The following ZC3H12B variants were observed in gnomAD, a reference collection of about 807,000 sequenced individuals.
The protein encoded by ZC3H12B is zinc finger CCCH-type containing 12B, also known as probable ribonuclease ZC3H12B.
Under a neutral mutation model 43.9 loss-of-function variants are expected in ZC3H12B, and 7 were observed. That is an observed-to-expected ratio of 0.16 (90% CI 0.09 to 0.30). The LOEUF is 0.30. ZC3H12B is among the 10% of genes least tolerant of loss of function. ZC3H12B has a pLI of 1.00. For missense variants in ZC3H12B, 475 were observed against 670.2 expected (o/e 0.71, Z 3.22); for synonymous variants, 222 against 241.7 (o/e 0.92, Z 0.76).
At chrX:65,284,583 G>A in the ZC3H12B span, among the ~76,000 whole-genome samples, 2 of 111,125 alleles carry the variant, frequency 1.8e-5, no homozygotes, top group African/African-American at 6.5e-5. Context: ...CCAACATGGT[G>A]AAACCCTGTC....
chrX:65,141,415 T>C, the ZC3H12B span, among the ~76,000 whole-genome samples: 6 of 110,293 alleles, frequency 5.4e-5, no homozygotes, highest in Non-Finnish European at 9.5e-5. Context: ...CGTGGGCTCT[T>C]TAATTTAACC....
the ZC3H12B span, among the ~76,000 whole-genome samples, chrX:65,064,138 A>T: frequency 2.7e-5 from 3 of 111,127 alleles, no homozygotes; most frequent in African/African-American, 9.8e-5. Flanking sequence ...AAGGTTTTTC[A>T]TGTCTCTATC....
At chrX:65,169,413 T>G in the ZC3H12B span, among the ~76,000 whole-genome samples, 1 of 111,978 alleles carries the variant, frequency 8.9e-6, no homozygotes, top group African/African-American at 3.2e-5. Context: ...TTGTTATAAT[T>G]TCTGTTATTT....
At chrX:65,137,764 T>C in the ZC3H12B span, among the ~76,000 whole-genome samples, 1 of 112,922 alleles carries the variant, frequency 8.9e-6, no homozygotes, top group Admixed American at 9.3e-5. Flanking sequence ...TAATTTTAAG[T>C]ATCTGAAACT....
chrX:65,096,350 G>A, the ZC3H12B span, among the ~76,000 whole-genome samples: 1 of 111,122 alleles, frequency 9.0e-6, no homozygotes, highest in African/African-American at 3.3e-5. Flanking sequence ...TGCACGTCCT[G>A]CACATGTACC....
the ZC3H12B span, among the ~76,000 whole-genome samples, chrX:65,286,123 C>A: frequency 9.0e-6 from 1 of 111,645 alleles, no homozygotes; most frequent in Non-Finnish European, 1.9e-5. Context: ...ATATGTTAAA[C>A]ATATGAATAT....
chrX:65,502,089 C>T (rs778912105), exon 5 of ZC3H12B: 6 of 1,209,471 alleles, frequency 5.0e-6, no homozygotes, highest in East Asian at 5.9e-5. Flanking sequence ...TCTGTCCCCT[C>T]GCTTGTGACT....
At chrX:65,270,839 C>A in the ZC3H12B span, 1 of 111,497 alleles carries the variant, frequency 9.0e-6, no homozygotes, top group Non-Finnish European at 1.9e-5. Flanking sequence ...TCTATCCTTT[C>A]CAAGCCCATG....
chrX:65,164,486 C>G, the ZC3H12B span, among the ~76,000 whole-genome samples: 3 of 111,509 alleles, frequency 2.7e-5, no homozygotes, highest in Non-Finnish European at 5.6e-5. Flanking sequence ...AAGCATGATT[C>G]TAACTTTTTT....
At chrX:65,445,630 T>C (rs944894746) in intron 3 of ZC3H12B, among the ~76,000 whole-genome samples, 9 of 112,269 alleles carry the variant, frequency 8.0e-5, no homozygotes, top group African/African-American at 2.9e-4. Flanking sequence ...GTCTCACCCA[T>C]GGTCTGTGGC....
chrX:65,128,247 A>T, the ZC3H12B span, among the ~76,000 whole-genome samples: 2 of 112,142 alleles, frequency 1.8e-5, no homozygotes, highest in East Asian at 2.8e-4. Context: ...GTAGTATCTT[A>T]GGAATTTTGA....
At chrX:65,242,776 C>A in the ZC3H12B span, among the ~76,000 whole-genome samples, 1 of 112,064 alleles carries the variant, frequency 8.9e-6, no homozygotes, top group Non-Finnish European at 1.9e-5. Flanking sequence ...GTCATAAAAG[C>A]ATACACATAG....
At chrX:65,368,404 G>A (rs1165462432) in intron 1 of ZC3H12B, among the ~76,000 whole-genome samples, 1 of 111,427 alleles carries the variant, frequency 9.0e-6, no homozygotes, top group Admixed American at 9.6e-5. Flanking sequence ...TAAATCATAG[G>A]ATATATATAA....
the ZC3H12B span, among the ~76,000 whole-genome samples, chrX:65,301,041 C>T: frequency 9.1e-6 from 1 of 109,493 alleles, no homozygotes; most frequent in East Asian, 2.9e-4. Context: ...AGACAATTCT[C>T]AAAAGAAGAT....
At chrX:65,182,698 A>G in the ZC3H12B span, among the ~76,000 whole-genome samples, 1 of 109,490 alleles carries the variant, frequency 9.1e-6, no homozygotes, top group African/African-American at 3.4e-5. Flanking sequence ...AGAATCTTTA[A>G]GGAACTTTGT....
intron 3 of ZC3H12B, among the ~76,000 whole-genome samples, chrX:65,399,064 G>T (rs1236495528): frequency 8.9e-6 from 1 of 112,378 alleles, no homozygotes; most frequent in East Asian, 2.8e-4. Context: ...ACCTCAAATT[G>T]TGAAACTACT....
intron 2 of ZC3H12B, among the ~76,000 whole-genome samples, chrX:65,379,178 C>A (rs931226774): frequency 8.9e-6 from 1 of 112,037 alleles, no homozygotes; most frequent in Non-Finnish European, 1.9e-5. Context: ...AAAAAGACAA[C>A]AGTAACCTCC....
At chrX:65,149,800 TAATAATAATAATAATA>T in the ZC3H12B span, among the ~76,000 whole-genome samples, 7 of 101,031 alleles carry the variant, frequency 6.9e-5, no homozygotes, top group African/African-American at 2.7e-4. Flanking sequence ...ATAATAATAA[TAATAATAATAATAATA>T]AATAAAAGTA....
chrX:65,089,039 T>C, the ZC3H12B span, among the ~76,000 whole-genome samples: 4 of 112,201 alleles, frequency 3.6e-5, no homozygotes, highest in Non-Finnish European at 7.5e-5. Context: ...TTAGTTATTT[T>C]TTATGGAACA....
Sources: allele counts gnomAD v4.1 joint callset (sites outside exome capture counted in the v4.1 genomes callset), GRCh38; gene constraint gnomAD v4.1.1; transcripts MANE v1.5; gene names NCBI Gene and HGNC (gene_info 2026-07-23, HGNC 2026-07-21).